The following GRIK4 variants were observed in gnomAD, a reference collection of about 807,000 sequenced individuals.
GRIK4 encodes the protein glutamate receptor ionotropic, kainate 4.
GRIK4 carries 40 observed loss-of-function variants against 104.9 expected under a neutral mutation model. That is an observed-to-expected ratio of 0.38 (90% CI 0.30 to 0.50). The LOEUF is 0.50. Among genes scored for constraint, GRIK4 ranks in the 20% least tolerant of loss-of-function variants. The probability of loss-of-function intolerance (pLI) is 0.93; values close to 1 mark genes in which losing one functional copy is unlikely to be tolerated. For missense variants in GRIK4, 1,047 were observed against 1,308.1 expected (o/e 0.80, Z 3.08); for synonymous variants, 485 against 524.9 (o/e 0.92, Z 1.04).
At chr11:120,811,325 C>G (rs1187320652) in intron 4 of GRIK4, among the ~76,000 whole-genome samples, 1 of 152,124 alleles carries the variant, frequency 6.6e-6, no homozygotes, top group Non-Finnish European at 1.5e-5. Context: ...ACTCAGTGTT[C>G]CAGTGGCCAA....
At position 120,702,815 on chromosome 11, in the gene GRIK4, C is replaced by T. The variant is rs569165050; in HGVS notation, c.82+42415C>T. Among the ~76,000 whole-genome samples, 14 of 152,232 alleles carry T rather than the reference C, an allele frequency of 9.2e-5. No individual in the cohort carries two copies. The East Asian group carries it at 1.7e-3, about 19-fold the overall frequency. ...TATCCCATGGGTCATGGCCTGAGGA[C>T]GTTTCTATCTGAGTAGAGCTTGAGG... On this transcript the variant is annotated intron_variant, in intron 3 of 20. Transcript: ENST00000527524.
chr11:120,887,445 A>C (rs1425474334), intron 11 of GRIK4, among the ~76,000 whole-genome samples: 1 of 152,212 alleles, frequency 6.6e-6, no homozygotes, highest in African/African-American at 2.4e-5. Context: ...TCACTTTATA[A>C]ATAAACCCAG....
intron 1 of GRIK4, among the ~76,000 whole-genome samples, chr11:120,535,408 G>C (rs1947964413): frequency 6.6e-6 from 1 of 151,822 alleles, no homozygotes; most frequent in Non-Finnish European, 1.5e-5. Context: ...GAGGGAAGAA[G>C]GAGTTTGGAA....
chr11:120,602,670 C>T (rs949672110), intron 1 of GRIK4, among the ~76,000 whole-genome samples: 1 of 152,112 alleles, frequency 6.6e-6, no homozygotes, highest in Admixed American at 6.5e-5. Context: ...ATCTGTCTCG[C>T]CTTAGTTTTC....
At chr11:120,765,145 T>A (rs544377289) in intron 3 of GRIK4, among the ~76,000 whole-genome samples, 1 of 152,076 alleles carries the variant, frequency 6.6e-6, no homozygotes, top group African/African-American at 2.4e-5. Flanking sequence ...CTTGGAGGCT[T>A]TGTTCATTCC....
chr11:120,694,128 G>A (rs1395317752), intron 3 of GRIK4, among the ~76,000 whole-genome samples: 2 of 152,202 alleles, frequency 1.3e-5, no homozygotes, highest in Admixed American at 1.3e-4. Context: ...CCAGTAGACA[G>A]CTGGATGCAT....
At chr11:120,857,797 A>G (rs1485093093) in intron 8 of GRIK4, among the ~76,000 whole-genome samples, 1 of 152,222 alleles carries the variant, frequency 6.6e-6, no homozygotes, top group Non-Finnish European at 1.5e-5. Context: ...AGCACTCTCT[A>G]GATGCAGTGT....
At chr11:120,962,415 T>G in intron 17 of GRIK4, 41 bp from the exon 18 acceptor site, 2 of 1,427,534 alleles carry the variant, frequency 1.4e-6, no homozygotes, top group Non-Finnish European at 2.0e-6. Context: ...AACGTTTCCT[T>G]CCTCTTTTCC....
At chr11:120,685,492 A>G (rs747949022) in intron 3 of GRIK4, among the ~76,000 whole-genome samples, 2 of 152,130 alleles carry the variant, frequency 1.3e-5, no homozygotes, top group Non-Finnish European at 2.9e-5. Context: ...TTGGAAGTTA[A>G]TATTTTTAAT....
intron 1 of GRIK4, among the ~76,000 whole-genome samples, chr11:120,558,013 G>A (rs1211051254): frequency 1.2e-4 from 12 of 102,580 alleles, no homozygotes; most frequent in African/African-American, 4.8e-4. Flanking sequence ...GCGAGACTCC[G>A]TCTCAAAAAA....
At position 120,986,012 on chromosome 11, in the gene GRIK4, A is replaced by T. The variant is rs759979824; in HGVS notation, c.2623A>T (p.Ile875Phe). Residue 875 changes from isoleucine (I) to phenylalanine (F), a missense_variant, in exon 21 of 21, where the codon ATC becomes TTC. Physicochemically the swap from Ile to Phe is conservative, Grantham distance 21. Transcript: ENST00000527524. Reference protein sequence around the residue: ...RAAVPPPRPPIPEERRPRGTA... With the variant: ...RAAVPPPRPPFPEERRPRGTA... ...CGCAGTCCCGCCGCCCCGGCCCCCC[A>T]TCCCCGAGGAGCGCCGACCGCGGGG... 6.5e-6 allele frequency: 10 copies of T among 1,528,242 alleles called. No homozygotes were observed. The South Asian group carries it at 7.3e-5, about 11-fold the overall frequency. 94.7% of individuals were successfully genotyped at this position (1,528,242 alleles called of 1,614,324 possible).
intron 3 of GRIK4, among the ~76,000 whole-genome samples, chr11:120,672,322 A>G (rs905303058): frequency 2.6e-5 from 4 of 152,286 alleles, no homozygotes; most frequent in African/African-American, 9.6e-5. Context: ...AGGCTGAGAC[A>G]GGAGAATCAC....
At chr11:120,702,955 G>C (rs1950576566) in intron 3 of GRIK4, among the ~76,000 whole-genome samples, 2 of 152,124 alleles carry the variant, frequency 1.3e-5, no homozygotes, top group African/African-American at 4.8e-5. Context: ...GTCCTTTTAG[G>C]GGAGTATTTG....
intron 11 of GRIK4, among the ~76,000 whole-genome samples, chr11:120,897,508 C>A (rs1012829691): frequency 6.8e-6 from 1 of 146,402 alleles, no homozygotes; most frequent in African/African-American, 2.5e-5. Flanking sequence ...GTGGCAGGCA[C>A]CTGTAATCCC....
chr11:120,645,150 T>C (rs908637070), intron 1 of GRIK4, among the ~76,000 whole-genome samples: 1 of 151,738 alleles, frequency 6.6e-6, no homozygotes, highest in Admixed American at 6.6e-5. Flanking sequence ...TGTGTGTGTA[T>C]GTGTATGTAT....
chr11:120,982,324 GTGCAGCAAA>G, intron 20 of GRIK4, 100 bp downstream of exon 20: 1 of 730,994 alleles, frequency 1.4e-6, no homozygotes, highest in Admixed American at 2.0e-5. Context: ...ACCACAGGAA[GTGCAGCAAA>G]GAGAATCCCA....
At chr11:120,841,584 C>A (rs1277665904) in intron 8 of GRIK4, among the ~76,000 whole-genome samples, 1 of 152,144 alleles carries the variant, frequency 6.6e-6, no homozygotes, top group African/African-American at 2.4e-5. Flanking sequence ...CTTGGGTGTG[C>A]AAATGTCTGT....
chr11:120,642,524 G>A lies in GRIK4; in HGVS notation c.-158-11161G>A, dbSNP rs143617553. 1.4e-3 allele frequency among the ~76,000 whole-genome samples: 212 copies of A among 151,178 alleles called. 1 individual carries two copies. The South Asian group carries it at 0.019, about 13-fold the overall frequency. On this transcript the variant is annotated intron_variant, in intron 1 of 20. Coordinates refer to ENST00000527524, the MANE Select transcript of GRIK4 (RefSeq NM_014619.5). ...CTGTGAAGTAAGGAATCTATGCTAG[G>A]TGGTCCCCAAGCTCCCTTCCGGATG...
chr11:120,671,147 G>A (rs1339773487), intron 3 of GRIK4, among the ~76,000 whole-genome samples: 1 of 152,144 alleles, frequency 6.6e-6, no homozygotes, highest in Admixed American at 6.5e-5. Context: ...GTTGTGAATA[G>A]TGCTGCAGTA....
Sources: gnomAD v4.1 joint callset for allele counts (sites outside exome capture counted in the v4.1 genomes callset) on GRCh38, gnomAD v4.1.1 for gene constraint, MANE v1.5 for transcripts, NCBI Gene and HGNC (gene_info 2026-07-23, HGNC 2026-07-21) for gene names.